The following PRKG1 variants were observed in gnomAD, a reference collection of about 807,000 sequenced individuals.
PRKG1 encodes the protein cGMP-dependent protein kinase 1.
PRKG1 carries 35 observed loss-of-function variants against 88.1 expected under a neutral mutation model. The observed-to-expected ratio is 0.40, with a 90% CI of 0.30 to 0.53. PRKG1 has a LOEUF of 0.53. Among genes scored for constraint, PRKG1 ranks in the 20% least tolerant of loss-of-function variants. PRKG1 has a pLI of 0.59. For missense variants in PRKG1, 540 were observed against 839.8 expected (o/e 0.64, Z 4.41); for synonymous variants, 303 against 292.5 (o/e 1.04, Z -0.37).
intron 3 of PRKG1, among the ~76,000 whole-genome samples, chr10:51,706,287 A>G (rs1376144418): frequency 6.6e-6 from 1 of 152,184 alleles, no homozygotes; most frequent in Non-Finnish European, 1.5e-5. Flanking sequence ...AATTTCATGT[A>G]CTCAAACTCC....
intron 2 of PRKG1, among the ~76,000 whole-genome samples, chr10:51,282,519 G>A (rs953385687): frequency 2.6e-4 from 39 of 152,234 alleles, no homozygotes; most frequent in African/African-American, 7.7e-4. Flanking sequence ...AGGAGTTCAC[G>A]AAGGAAAGCA....
intron 9 of PRKG1, among the ~76,000 whole-genome samples, chr10:52,222,539 A>C (rs975985134): frequency 5.3e-5 from 8 of 152,184 alleles, no homozygotes; most frequent in Admixed American, 3.3e-4. Flanking sequence ...TATGTAGATG[A>C]ATGTATAAAG....
chr10:51,960,122 CTT>C (rs3029953), intron 5 of PRKG1, among the ~76,000 whole-genome samples: 23 of 144,578 alleles, frequency 1.6e-4, no homozygotes, highest in Non-Finnish European at 1.8e-4. Context: ...CTTTGGTTTC[CTT>C]TTTTTTTTTT....
chr10:51,901,498 G>T (rs879666758), intron 4 of PRKG1, among the ~76,000 whole-genome samples: 2 of 152,116 alleles, frequency 1.3e-5, no homozygotes, highest in Non-Finnish European at 1.5e-5. Context: ...CATCTGGCAC[G>T]CATTCAACAA....
intron 3 of PRKG1, among the ~76,000 whole-genome samples, chr10:51,718,810 G>T (rs1841945870): frequency 6.6e-6 from 1 of 150,542 alleles, no homozygotes. Flanking sequence ...GGGGAGTGGG[G>T]AGTGGAGTAA....
intron 6 of PRKG1, among the ~76,000 whole-genome samples, chr10:52,058,737 G>A (rs11000634): frequency 0.04 from 6,054 of 151,900 alleles, 400 homozygotes; most frequent in East Asian, 0.33. Flanking sequence ...TATGACTTGC[G>A]ATTAGATAGG....
intron 3 of PRKG1, among the ~76,000 whole-genome samples, chr10:51,724,172 T>C (rs10823472): frequency 0.37 from 56,754 of 152,016 alleles, 11,302 homozygotes; most frequent in Middle Eastern, 0.52. Flanking sequence ...TATTCAGTTG[T>C]GTACACTATC....
At chr10:51,084,839 A>G (rs1844208730) in intron 1 of PRKG1, among the ~76,000 whole-genome samples, 1 of 152,196 alleles carries the variant, frequency 6.6e-6, no homozygotes, top group Admixed American at 6.5e-5. Flanking sequence ...AATGATGACA[A>G]ATACACTCTA....
chr10:51,554,596 C>T (rs1296900321), intron 3 of PRKG1, among the ~76,000 whole-genome samples: 1 of 151,286 alleles, frequency 6.6e-6, no homozygotes, highest in Non-Finnish European at 1.5e-5. Context: ...TTGATTCTTC[C>T]TCTGTGGTCC....
chr10:51,086,294 C>A (rs1432731167), intron 1 of PRKG1, among the ~76,000 whole-genome samples: 1 of 152,184 alleles, frequency 6.6e-6, no homozygotes, highest in Non-Finnish European at 1.5e-5. Flanking sequence ...TTGCTGAAGG[C>A]ATTAACATAT....
intron 4 of PRKG1, among the ~76,000 whole-genome samples, chr10:51,906,252 C>T (rs1182071373): frequency 6.6e-6 from 1 of 152,134 alleles, no homozygotes; most frequent in African/African-American, 2.4e-5. Flanking sequence ...GTGTTTTTCT[C>T]CTCATTATAT....
intron 3 of PRKG1, among the ~76,000 whole-genome samples, chr10:51,765,430 C>A (rs1404089301): frequency 6.6e-6 from 1 of 152,116 alleles, no homozygotes; most frequent in Non-Finnish European, 1.5e-5. Flanking sequence ...TTTCATTTTT[C>A]TAATAATCAA....
intron 3 of PRKG1, among the ~76,000 whole-genome samples, chr10:51,645,206 A>AAT (rs1377913486): frequency 6.6e-6 from 1 of 152,184 alleles, no homozygotes; most frequent in Non-Finnish European, 1.5e-5. Flanking sequence ...TTACAAATTA[A>AAT]ATATCAGCTG....
intron 2 of PRKG1, among the ~76,000 whole-genome samples, chr10:51,356,504 G>A (rs1056905107): frequency 2.0e-5 from 3 of 151,832 alleles, no homozygotes; most frequent in African/African-American, 7.3e-5. Flanking sequence ...GAATATTCTA[G>A]ACTAAAAGAT....
intron 4 of PRKG1, among the ~76,000 whole-genome samples, chr10:51,888,019 C>T (rs544101954): frequency 2.2e-4 from 33 of 152,232 alleles, no homozygotes; most frequent in Non-Finnish European, 3.2e-4. Context: ...GAGGATATAT[C>T]TCATGTTAAA....
chr10:51,907,430 G>C, intron 4 of PRKG1, 77 bp from the exon 5 acceptor site: 1 of 1,140,922 alleles, frequency 8.8e-7, no homozygotes, highest in Non-Finnish European at 1.2e-6. Flanking sequence ...ATTTTAATTA[G>C]ATTCATGGTC....
rs949028395 is a variant in PRKG1 at position 51,958,525 on chromosome 10, A to G, written c.762+50955A>G. Among the ~76,000 whole-genome samples the G allele has an allele frequency of 2.4e-4, 35 of 147,718 alleles. 1 individual carries two copies. The highest frequency in any genetic ancestry group is 3.4e-4 in the Admixed American group (5 of 14,796). On this transcript the variant is annotated intron_variant, in intron 5 of 17. Coordinates refer to ENST00000373980, the MANE Select transcript of PRKG1 (RefSeq NM_006258.4). ...TGATGATCTTCAAGTATTTCAAGGA[A>G]TAGGTCGTCCATTGTTGTTCCTTTT...
At chr10:51,187,635 C>T (rs947295724) in intron 2 of PRKG1, among the ~76,000 whole-genome samples, 11 of 151,794 alleles carry the variant, frequency 7.2e-5, no homozygotes, top group African/African-American at 2.7e-4. Context: ...TATTTTCATG[C>T]CTCAGTGATG....
chr10:51,944,565 C>A (rs1388852283), intron 5 of PRKG1, among the ~76,000 whole-genome samples: 1 of 152,076 alleles, frequency 6.6e-6, no homozygotes, highest in African/African-American at 2.4e-5. Context: ...AATTTTGGAT[C>A]TTTCCTGCTT....
Sources: allele counts gnomAD v4.1 joint callset (sites outside exome capture counted in the v4.1 genomes callset), GRCh38; gene constraint gnomAD v4.1.1; transcripts MANE v1.5; gene names NCBI Gene and HGNC (gene_info 2026-07-23, HGNC 2026-07-21).